The following SOS1 variants were observed in gnomAD, a reference collection of about 807,000 sequenced individuals.
SOS1 encodes the protein son of sevenless homolog 1.
In SOS1, 25 loss-of-function variants were observed where a neutral mutation model predicts 157.6. The ratio of observed to expected loss-of-function variants is 0.16; its 90% CI spans 0.12 to 0.22. SOS1 has a LOEUF of 0.22. Ranked by LOEUF, SOS1 falls within the 10% of genes least tolerant of loss-of-function variation. The pLI, the probability that SOS1 is intolerant of heterozygous loss-of-function variation, is 1.00. For synonymous variants in SOS1, 528 were observed against 534.0 expected, an observed-to-expected ratio of 0.99 and a Z score of 0.16; for missense variants, 1,237 against 1,599.1, an observed-to-expected ratio of 0.77 and a Z score of 3.86.
Position 39,067,720 on chromosome 2 carries a change from T to C in SOS1, c.121A>G (p.Asn41Asp). The change falls in exon 2 of 23, where the codon AAT becomes GAT. Residue 41 changes from asparagine (N) to aspartate (D), a missense_variant. By Grantham distance (23) the Asn-to-Asp change is conservative (BLOSUM62 1). Coordinates refer to ENST00000402219, the MANE Select transcript of SOS1 (RefSeq NM_005633.4). Reference protein sequence around the residue: ...QGQVHPTLESNDDALQYVEEL... With the variant: ...QGQVHPTLESDDDALQYVEEL... ...TCAACATACTGAAGAGCATCATCAT[T>C]AGACTCGAGAGTAGGATGAACTTGC... is the stretch of plus-strand genomic sequence containing the variant. The C allele has an allele frequency of 6.2e-7, 1 of 1,612,384 alleles. No homozygotes were observed. The highest frequency in any genetic ancestry group is 8.5e-7 in the Non-Finnish European group (1 of 1,178,408).
At chr2:39,103,615 A>G (rs1017628819) in intron 1 of SOS1, among the ~76,000 whole-genome samples, 1 of 152,218 alleles carries the variant, frequency 6.6e-6, no homozygotes. Context: ...TTGGACTCCT[A>G]ACTCATACCA....
At chr2:39,080,693 A>C (rs1210511955) in intron 1 of SOS1, among the ~76,000 whole-genome samples, 1 of 152,196 alleles carries the variant, frequency 6.6e-6, no homozygotes, top group Non-Finnish European at 1.5e-5. Context: ...AAATTGATAC[A>C]ACTATAAACG....
At chr2:39,001,747 G>C (rs1213817110) in intron 17 of SOS1, among the ~76,000 whole-genome samples, 2 of 152,180 alleles carry the variant, frequency 1.3e-5, no homozygotes, top group South Asian at 2.1e-4. Flanking sequence ...CCAGAGACTG[G>C]TAACTTTTAG....
Position 38,985,777 on chromosome 2 carries a change from G to A in SOS1, c.*47C>T. On this transcript the variant is annotated 3_prime_UTR_variant, in exon 23 of 23. Coordinates refer to ENST00000402219, the MANE Select transcript of SOS1 (RefSeq NM_005633.4). ...GGCACATTCAGTGCATCCATTGCCA[G>A]CAATGGATTTGGGGCTAGGAAAATA... 1.2e-6 allele frequency: 2 copies of A among 1,609,432 alleles called. No homozygotes were observed. The highest frequency in any genetic ancestry group is 1.7e-6 in the Non-Finnish European group (2 of 1,177,294).
chr2:39,086,543 T>C (rs1045821499), intron 1 of SOS1, among the ~76,000 whole-genome samples: 1 of 152,224 alleles, frequency 6.6e-6, no homozygotes, highest in African/African-American at 2.4e-5. Context: ...GATTTTATCA[T>C]ATAATGCCCT....
chr2:39,121,696 T>C (rs1449932897), upstream of SOS1, among the ~76,000 whole-genome samples: 1 of 152,230 alleles, frequency 6.6e-6, no homozygotes, highest in Non-Finnish European at 1.5e-5. Flanking sequence ...GTCTATTGTG[T>C]TTTGTTATCT....
chr2:39,106,758 G>T (rs13411756), intron 1 of SOS1, among the ~76,000 whole-genome samples: 11,239 of 152,118 alleles, frequency 0.074, 1,513 homozygotes, highest in African/African-American at 0.26. Flanking sequence ...GCGCCTTTCT[G>T]CCTGTGAGGT....
intron 1 of SOS1, among the ~76,000 whole-genome samples, chr2:39,100,074 C>T (rs1372864516): frequency 2.0e-5 from 3 of 152,072 alleles, no homozygotes; most frequent in Non-Finnish European, 4.4e-5. Context: ...TGAAAAGGTA[C>T]TCAACATCAT....
Position 39,120,441 on chromosome 2 carries a change from C to A in SOS1, c.-19G>T, listed in dbSNP as rs766784920. 1.3e-6 allele frequency: 2 copies of A among 1,568,898 alleles called. No individual in the cohort carries two copies. Among genetic ancestry groups the A allele is most frequent in the Non-Finnish European group, 1.7e-6 (2 of 1,159,992 alleles). ...CCTGCATGGTGCCCCCGGGGCGCCT[C>A]TGGGCGGGGAGAGGGGCGGCGGCGG... On this transcript the variant is annotated 5_prime_UTR_variant, in exon 1 of 23. Coordinates refer to ENST00000402219, the MANE Select transcript of SOS1 (RefSeq NM_005633.4).
chr2:38,985,896 G>T lies in SOS1; in HGVS notation c.3930C>A (p.Tyr1310Ter). 6.2e-7 allele frequency: 1 copy of T among 1,613,892 alleles called. No homozygotes were observed. The highest frequency in any genetic ancestry group is 8.5e-7 in the Non-Finnish European group (1 of 1,179,856). ...TGGATGGGTGTGTGTGCTCCCTTTT[G>T]TAAGTTTTTGGAGGGAGTTTAGGGA... ...QHIPKLPPKTYKREHTHPSMH... is the reference protein window; with the variant it reads ...QHIPKLPPKT Residue 1310 changes from tyrosine to a stop codon, truncating the protein, a stop_gained, in exon 23 of 23, where the codon TAC becomes TAA. Coordinates refer to ENST00000402219, the MANE Select transcript of SOS1 (RefSeq NM_005633.4). LOFTEE classifies it high-confidence loss of function.
intron 1 of SOS1, among the ~76,000 whole-genome samples, chr2:39,070,698 G>A (rs539759953): frequency 1.3e-5 from 2 of 152,226 alleles, no homozygotes; most frequent in South Asian, 2.1e-4. Flanking sequence ...AATATAGACT[G>A]CTCCTGATTT....
At chr2:38,986,905 T>C (rs1668576454) in intron 22 of SOS1, among the ~76,000 whole-genome samples, 1 of 152,130 alleles carries the variant, frequency 6.6e-6, no homozygotes, top group South Asian at 2.1e-4. Flanking sequence ...TCTTGACTTA[T>C]CCTGGTGCTC....
chr2:39,117,829 A>G (rs1047062196), intron 1 of SOS1, among the ~76,000 whole-genome samples: 2 of 152,248 alleles, frequency 1.3e-5, no homozygotes, highest in Non-Finnish European at 2.9e-5. Flanking sequence ...GAGTGTGCAC[A>G]GTAATACAAA....
At chr2:39,021,387 T>A (rs1236944703) in intron 10 of SOS1, among the ~76,000 whole-genome samples, 1 of 151,590 alleles carries the variant, frequency 6.6e-6, no homozygotes, top group Non-Finnish European at 1.5e-5. Flanking sequence ...TATAGCAATT[T>A]AGAGAAAACT....
chr2:39,049,530 T>A (rs1670922540), intron 6 of SOS1, among the ~76,000 whole-genome samples: 1 of 152,246 alleles, frequency 6.6e-6, no homozygotes, highest in African/African-American at 2.4e-5. Flanking sequence ...TTTGTATGTC[T>A]ATTATACAAA....
intron 4 of SOS1, among the ~76,000 whole-genome samples, chr2:39,055,199 T>C (rs1190978035): frequency 6.6e-6 from 1 of 152,188 alleles, no homozygotes; most frequent in African/African-American, 2.4e-5. Context: ...TAAATGTTTA[T>C]AGCTGTCTAT....
chr2:39,114,303 T>C (rs940296613), intron 1 of SOS1, among the ~76,000 whole-genome samples: 2 of 151,220 alleles, frequency 1.3e-5, no homozygotes, highest in South Asian at 2.1e-4. Flanking sequence ...CTTTTCTTTT[T>C]TTTTTTTCTT....
intron 2 of SOS1, among the ~76,000 whole-genome samples, chr2:39,064,252 A>T (rs1385704800): frequency 6.6e-6 from 1 of 152,222 alleles, no homozygotes; most frequent in African/African-American, 2.4e-5. Flanking sequence ...CTAATTAACA[A>T]ATGCATTACC....
intron 1 of SOS1, among the ~76,000 whole-genome samples, chr2:39,101,611 A>G (rs527933514): frequency 1.6e-4 from 24 of 152,178 alleles, no homozygotes; most frequent in Non-Finnish European, 2.9e-4. Context: ...ACAAAGCAAC[A>G]TTTATATTAG....
Sources: gnomAD v4.1 joint callset for allele counts (sites outside exome capture counted in the v4.1 genomes callset) on GRCh38, gnomAD v4.1.1 for gene constraint, MANE v1.5 for transcripts, NCBI Gene and HGNC (gene_info 2026-07-23, HGNC 2026-07-21) for gene names.